KCND2: variants seen among roughly 807,000 people sequenced by gnomAD.
The protein encoded by KCND2 is potassium voltage-gated channel subfamily D member 2, also known as A-type voltage-gated potassium channel KCND2.
Under a neutral mutation model 54.4 loss-of-function variants are expected in KCND2, and 16 were observed. The observed-to-expected ratio is 0.29, with a 90% CI of 0.20 to 0.45. The LOEUF (loss-of-function observed/expected upper bound fraction) is 0.45, where lower values mean the gene tolerates loss of function less well. KCND2 is among the 20% of genes least tolerant of loss of function. The probability of loss-of-function intolerance (pLI) is 1.00; values close to 1 mark genes in which losing one functional copy is unlikely to be tolerated. For synonymous variants in KCND2, 317 were observed against 310.7 expected (o/e 1.02, Z -0.21); for missense variants, 486 against 824.2 (o/e 0.59, Z 5.02).
Position 120,358,541 on chromosome 7 carries a change from C to T in KCND2, c.1115+82794C>T, listed in dbSNP as rs114899791. On this transcript the variant is annotated intron_variant, in intron 1 of 5. Transcript: ENST00000331113. Reference sequence around the variant, plus strand: ...GTCTAATCAGTTTTCTTTCTTTCTCCTGACATGAATCTTGTGTTTTTAATC... The same window carrying T: ...GTCTAATCAGTTTTCTTTCTTTCTCTTGACATGAATCTTGTGTTTTTAATC... 8.5e-3 allele frequency among the ~76,000 whole-genome samples: 1,286 copies of T among 152,048 alleles called. 13 individuals carry two copies. The highest frequency in any genetic ancestry group is 0.029 in the African/African-American group (1,213 of 41,484).
intron 1 of KCND2, among the ~76,000 whole-genome samples, chr7:120,387,840 T>A (rs1434544674): frequency 6.6e-6 from 1 of 151,964 alleles, no homozygotes; most frequent in East Asian, 1.9e-4. Flanking sequence ...ATTAGTATTT[T>A]AAAAAATATA....
intron 1 of KCND2, among the ~76,000 whole-genome samples, chr7:120,540,982 A>C (rs903806080): frequency 6.6e-6 from 1 of 152,198 alleles, no homozygotes; most frequent in Admixed American, 6.5e-5. Context: ...GAACATTATT[A>C]TATTATTAAA....
chr7:120,459,090 C>T (rs2116234197), intron 1 of KCND2, among the ~76,000 whole-genome samples: 1 of 152,054 alleles, frequency 6.6e-6, no homozygotes, highest in East Asian at 1.9e-4. Flanking sequence ...CAGAACCTTC[C>T]AATGGCCTGC....
chr7:120,304,212 TAGAG>T (rs1213645653), intron 1 of KCND2, among the ~76,000 whole-genome samples: 1 of 152,150 alleles, frequency 6.6e-6, no homozygotes, highest in African/African-American at 2.4e-5. Context: ...TGTGAAGAAG[TAGAG>T]AGCACATCTA....
intron 1 of KCND2, among the ~76,000 whole-genome samples, chr7:120,715,949 A>G (rs906462064): frequency 3.9e-5 from 6 of 152,130 alleles, no homozygotes; most frequent in African/African-American, 1.4e-4. Flanking sequence ...AGTTAAAATG[A>G]CAATTACTTC....
At chr7:120,725,845 A>G (rs980984812) in intron 1 of KCND2, among the ~76,000 whole-genome samples, 1 of 152,166 alleles carries the variant, frequency 6.6e-6, no homozygotes, top group African/African-American at 2.4e-5. Context: ...ACTTTTCATG[A>G]AAATGCATAT....
intron 1 of KCND2, among the ~76,000 whole-genome samples, chr7:120,641,236 A>G (rs937369102): frequency 2.0e-5 from 3 of 146,662 alleles, no homozygotes; most frequent in Non-Finnish European, 4.5e-5. Flanking sequence ...TCATTCAGGG[A>G]CTGTCATTTT....
At chr7:120,431,539 G>C (rs7793195) in intron 1 of KCND2, among the ~76,000 whole-genome samples, 25,644 of 152,108 alleles carry the variant, frequency 0.17, 2,818 homozygotes, top group East Asian at 0.56. Flanking sequence ...TTCTCCACAC[G>C]TGCCTTTTCA....
At chr7:120,295,263 C>T (rs1486815182) in intron 1 of KCND2, among the ~76,000 whole-genome samples, 1 of 151,532 alleles carries the variant, frequency 6.6e-6, no homozygotes, top group Middle Eastern at 3.2e-3. Flanking sequence ...TGAGTGCCTA[C>T]ACTGGGCCAT....
At chr7:120,421,641 T>C (rs1801625665) in intron 1 of KCND2, among the ~76,000 whole-genome samples, 2 of 152,262 alleles carry the variant, frequency 1.3e-5, no homozygotes, top group African/African-American at 4.8e-5. Context: ...CATTCGGAAA[T>C]GCCTTTTGAA....
At chr7:120,548,683 G>A (rs1792071810) in intron 1 of KCND2, among the ~76,000 whole-genome samples, 1 of 152,106 alleles carries the variant, frequency 6.6e-6, no homozygotes, top group Admixed American at 6.6e-5. Context: ...AAGAACAGGG[G>A]CTCTTGTAGC....
intron 1 of KCND2, among the ~76,000 whole-genome samples, chr7:120,454,121 A>C (rs2116224296): frequency 6.6e-6 from 1 of 152,240 alleles, no homozygotes; most frequent in South Asian, 2.1e-4. Context: ...AAAGATCTCA[A>C]ATTAACAACC....
At chr7:120,402,029 A>G in intron 1 of KCND2, among the ~76,000 whole-genome samples, 1 of 152,284 alleles carries the variant, frequency 6.6e-6, no homozygotes, top group Admixed American at 6.5e-5. Flanking sequence ...TGTTATTGTT[A>G]TAAGAATGTA....
At chr7:120,364,117 G>A (rs1459719558) in intron 1 of KCND2, among the ~76,000 whole-genome samples, 2 of 152,104 alleles carry the variant, frequency 1.3e-5, no homozygotes, top group Non-Finnish European at 2.9e-5. Flanking sequence ...TGAATGTATT[G>A]TTCTTAGATT....
intron 1 of KCND2, among the ~76,000 whole-genome samples, chr7:120,430,345 T>C (rs547330811): frequency 1.3e-5 from 2 of 152,208 alleles, no homozygotes; most frequent in South Asian, 2.1e-4. Flanking sequence ...TAACCGTAAT[T>C]CCCTTAGAAG....
rs367909110 is a variant in KCND2 at position 120,732,960 on chromosome 7, G to A, written c.1173G>A (p.Ser391=). 39 of 1,613,540 alleles carry A rather than the reference G, an allele frequency of 2.4e-5. No homozygotes were observed. The Admixed American group carries it at 2.7e-4, about 11-fold the overall frequency. ...IAGKIFGSIC[S]LSGVLVIALP... ...GGAAGATTTTTGGTTCTATCTGTTC[G>A]CTGAGTGGGGTCTTGGTCATTGCTC... Residue 391 remains serine, a synonymous_variant, in exon 2 of 6, where the codon TCG becomes TCA. Coordinates refer to ENST00000331113, the MANE Select transcript of KCND2 (RefSeq NM_012281.3).
intron 1 of KCND2, among the ~76,000 whole-genome samples, chr7:120,310,381 A>G (rs1485734140): frequency 6.6e-6 from 1 of 152,176 alleles, no homozygotes; most frequent in Non-Finnish European, 1.5e-5. Flanking sequence ...ATGAAGAACA[A>G]TTTAACTTGA....
intron 1 of KCND2, among the ~76,000 whole-genome samples, chr7:120,419,552 G>A (rs1198645795): frequency 1.3e-5 from 2 of 152,030 alleles, no homozygotes; most frequent in Admixed American, 6.6e-5. Flanking sequence ...CCTCCAAATG[G>A]GTGCAAAACC....
At chr7:120,484,703 A>G (rs1193351889) in intron 1 of KCND2, among the ~76,000 whole-genome samples, 4 of 91,962 alleles carry the variant, frequency 4.3e-5, no homozygotes, top group Non-Finnish European at 7.8e-5. Flanking sequence ...TATTACACGC[A>G]CACACACACA....
Sources: gnomAD v4.1 joint callset for allele counts (sites outside exome capture counted in the v4.1 genomes callset) on GRCh38, gnomAD v4.1.1 for gene constraint, MANE v1.5 for transcripts, NCBI Gene and HGNC (gene_info 2026-07-23, HGNC 2026-07-21) for gene names.